TRAK1: variants seen among roughly 807,000 people sequenced by gnomAD.
TRAK1 encodes the protein trafficking kinesin protein 1.
TRAK1 carries 33 observed loss-of-function variants against 92.1 expected under a neutral mutation model. That is an observed-to-expected ratio of 0.36 (90% CI 0.27 to 0.48). The LOEUF (loss-of-function observed/expected upper bound fraction) is 0.48, where lower values mean the gene tolerates loss of function less well. TRAK1 is among the 20% of genes least tolerant of loss of function. The pLI, the probability that TRAK1 is intolerant of heterozygous loss-of-function variation, is 0.99. For missense variants in TRAK1, 1,123 were observed against 1,257.9 expected, an observed-to-expected ratio of 0.89 and a Z score of 1.62; for synonymous variants, 521 against 517.3, an observed-to-expected ratio of 1.01 and a Z score of -0.10.
At chr3:42,215,501 GGTGTGT>G (rs3836497) in intron 14 of TRAK1, among the ~76,000 whole-genome samples, 4,431 of 150,950 alleles carry the variant, frequency 0.029, 221 homozygotes, top group African/African-American at 0.1. Flanking sequence ...CCACTGTTGG[GGTGTGT>G]GTGTGTGTGT....
intron 1 of TRAK1, among the ~76,000 whole-genome samples, chr3:42,033,138 A>C (rs1702211854): frequency 6.6e-6 from 1 of 152,136 alleles, no homozygotes; most frequent in African/African-American, 2.4e-5. Flanking sequence ...CTCCCATCTC[A>C]GCCAGTACAG....
intron 12 of TRAK1, 106 bp downstream of exon 12, chr3:42,201,160 C>T: frequency 4.0e-6 from 5 of 1,238,708 alleles, no homozygotes; most frequent in East Asian, 2.4e-5. Context: ...TGAGAGTCAC[C>T]TGAAAAATAC....
At chr3:42,099,562 A>C (rs539651349) in intron 1 of TRAK1, among the ~76,000 whole-genome samples, 1 of 152,340 alleles carries the variant, frequency 6.6e-6, no homozygotes, top group African/African-American at 2.4e-5. Context: ...TGGTGAGCTA[A>C]GCCTGTGGGC....
At chr3:42,125,673 T>C in intron 2 of TRAK1, 59 bp downstream of exon 2, 1 of 1,572,156 alleles carries the variant, frequency 6.4e-7, no homozygotes, top group Non-Finnish European at 8.7e-7. Context: ...TTCTTAGCCA[T>C]GGCCCCAAAT....
At chr3:42,137,516 A>G (rs1698101192) in intron 2 of TRAK1, among the ~76,000 whole-genome samples, 1 of 152,254 alleles carries the variant, frequency 6.6e-6, no homozygotes, top group Admixed American at 6.5e-5. Flanking sequence ...GGTGATGACT[A>G]AAGTTTATGT....
chr3:42,072,091 C>T (rs1482817973), intron 1 of TRAK1, among the ~76,000 whole-genome samples: 1 of 152,198 alleles, frequency 6.6e-6, no homozygotes, highest in Non-Finnish European at 1.5e-5. Flanking sequence ...TGCCAGCTGC[C>T]TGTCAGGCTG....
At chr3:42,151,399 A>C (rs867309239) in intron 2 of TRAK1, 5 of 456,488 alleles carry the variant, frequency 1.1e-5, no homozygotes, top group Non-Finnish European at 1.3e-5. Flanking sequence ...AGAGCAAAGG[A>C]AAATAGAAGA....
At chr3:42,183,568 A>AAAAAAAGAAAG (rs1553751625) in intron 3 of TRAK1, among the ~76,000 whole-genome samples, 2 of 145,220 alleles carry the variant, frequency 1.4e-5, no homozygotes, top group Non-Finnish European at 3.0e-5. Flanking sequence ...AAAAAAAAAA[A>AAAAAAAGAAAG]AAAGAAAGAA....
intron 1 of TRAK1, among the ~76,000 whole-genome samples, chr3:42,081,457 T>G (rs1312755606): frequency 1.3e-5 from 2 of 152,238 alleles, no homozygotes; most frequent in South Asian, 2.1e-4. Flanking sequence ...TTGTTGTTAT[T>G]TATTCTACAG....
At chr3:42,208,467 C>A (rs1360638245) in intron 13 of TRAK1, among the ~76,000 whole-genome samples, 1 of 152,204 alleles carries the variant, frequency 6.6e-6, no homozygotes, top group Non-Finnish European at 1.5e-5. Context: ...ACCCCACCGC[C>A]TCCCACCTCG....
At chr3:42,187,876 A>G (rs1182441547) in intron 4 of TRAK1, among the ~76,000 whole-genome samples, 169 bp from the exon 5 acceptor site, 2 of 152,220 alleles carry the variant, frequency 1.3e-5, no homozygotes, top group African/African-American at 4.8e-5. Flanking sequence ...AAATAGATTA[A>G]ATGAAAGCCT....
At chr3:42,141,545 A>G (rs1039299932) in intron 2 of TRAK1, among the ~76,000 whole-genome samples, 7 of 152,166 alleles carry the variant, frequency 4.6e-5, no homozygotes, top group African/African-American at 1.7e-4. Flanking sequence ...GACAATAGAA[A>G]TTTATTCTCT....
At chr3:42,027,167 G>A (rs1040411493) in intron 1 of TRAK1, among the ~76,000 whole-genome samples, 5 of 152,104 alleles carry the variant, frequency 3.3e-5, no homozygotes, top group African/African-American at 1.2e-4. Flanking sequence ...GAGATAATAT[G>A]TGCATACATT....
intron 1 of TRAK1, among the ~76,000 whole-genome samples, chr3:42,018,525 T>A (rs557649462): frequency 6.6e-6 from 1 of 152,348 alleles, no homozygotes; most frequent in South Asian, 2.1e-4. Flanking sequence ...CACATTTGAA[T>A]GTTAAATAAG....
chr3:42,053,923 A>G (rs1703089281), intron 1 of TRAK1, among the ~76,000 whole-genome samples: 1 of 152,138 alleles, frequency 6.6e-6, no homozygotes, highest in Admixed American at 6.5e-5. Context: ...GTGACAAAAG[A>G]TACTTGGATG....
intron 1 of TRAK1, among the ~76,000 whole-genome samples, chr3:42,096,715 T>C (rs1328012623): frequency 3.3e-5 from 5 of 152,196 alleles, no homozygotes; most frequent in Non-Finnish European, 1.5e-5. Flanking sequence ...GTAGAATTGC[T>C]GTGAAGGGGG....
At chr3:42,091,155 G>A (rs370971561), upstream of TRAK1, 1 of 296,684 alleles carries the variant, frequency 3.4e-6, no homozygotes, top group Non-Finnish European at 6.2e-6. Flanking sequence ...AGGCAAAACC[G>A]AATGCCCATC....
intron 11 of TRAK1, among the ~76,000 whole-genome samples, chr3:42,200,040 C>T (rs891775300): frequency 1.3e-5 from 2 of 152,238 alleles, no homozygotes; most frequent in Non-Finnish European, 2.9e-5. Context: ...CCTACCTCAA[C>T]TCTTGTACTT....
At position 42,108,925 on chromosome 3, in the gene TRAK1, G is replaced by T. The variant is rs545781830; in HGVS notation, c.92-16495G>T. 2.6e-4 allele frequency among the ~76,000 whole-genome samples: 39 copies of T among 152,312 alleles called. No individual in the cohort carries two copies. The South Asian group carries it at 4.8e-3, about 19-fold the overall frequency. The stretch of plus-strand genomic sequence containing the variant: ...AATTCTCAAAGTATGCAAAAGACTG[G>T]AAGTTGGGCTAGGAGAAAATTTAGA... On this transcript the variant is annotated intron_variant, in intron 1 of 15. Coordinates refer to ENST00000327628, the MANE Select transcript of TRAK1 (RefSeq NM_001042646.3).
Sources: gnomAD v4.1 joint callset for allele counts (sites outside exome capture counted in the v4.1 genomes callset) on GRCh38, gnomAD v4.1.1 for gene constraint, MANE v1.5 for transcripts, NCBI Gene and HGNC (gene_info 2026-07-23, HGNC 2026-07-21) for gene names.